The following SOX30 variants were observed in gnomAD, a reference collection of about 807,000 sequenced individuals.
SOX30 encodes SRY-box transcription factor 30, also known as transcription factor SOX-30.
A neutral mutation model predicts 58.6 loss-of-function variants in SOX30; 17 were observed. The ratio of observed to expected loss-of-function variants is 0.29; its 90% CI spans 0.20 to 0.44. The LOEUF (loss-of-function observed/expected upper bound fraction) is 0.44. SOX30 is among the 20% of genes least tolerant of loss of function. SOX30 has a pLI of 1.00. For missense variants in SOX30, 951 were observed against 965.8 expected (o/e 0.98, Z 0.20); for synonymous variants, 421 against 400.2 (o/e 1.05, Z -0.62).
At chr5:157,659,669 G>T (rs1759541897) in intron 2 of SOX30, among the ~76,000 whole-genome samples, 7 of 152,172 alleles carry the variant, frequency 4.6e-5, no homozygotes, top group Admixed American at 4.6e-4. Flanking sequence ...GCCTCAAGAA[G>T]TCCTGACAAC....
At chr5:157,670,679 T>TC (rs1200765909) in intron 1 of SOX30, among the ~76,000 whole-genome samples, 1 of 152,204 alleles carries the variant, frequency 6.6e-6, no homozygotes, top group Non-Finnish European at 1.5e-5. Context: ...CAGTTCAGTT[T>TC]CACCACTTTA....
intron 2 of SOX30, among the ~76,000 whole-genome samples, chr5:157,661,693 CT>C (rs1235910504): frequency 6.6e-6 from 1 of 152,188 alleles, no homozygotes; most frequent in Non-Finnish European, 1.5e-5. Context: ...AGATGTTAAG[CT>C]AAAGAACATT....
In SOX30 at chr5:157,651,998, G is replaced by A; in HGVS notation, c.81C>T (p.Thr27=). 2.8e-6 allele frequency: 4 copies of A among 1,435,390 alleles called. No individual in the cohort carries two copies. Among genetic ancestry groups the A allele is most frequent in the South Asian group, 1.5e-5 (1 of 67,334 alleles). The allele number at this position is 1,435,390 out of a possible 1,614,324, so 88.9% of individuals were successfully genotyped here. Residue 27 remains threonine (T), a synonymous_variant, in exon 1 of 5, where the codon ACC becomes ACT. Transcript: ENST00000265007. The part of the protein sequence containing the change: ...PAPPPLPVEG[T]SFWAAAMEPP... ...GCTCCATGGCTGCTGCCCAAAAGGA[G>A]GTGCCCTCGACCGGCAGCGGGGGCG...
intron 2 of SOX30, among the ~76,000 whole-genome samples, chr5:157,660,915 T>C (rs1371369263): frequency 3.3e-5 from 5 of 152,236 alleles, no homozygotes; most frequent in Non-Finnish European, 7.3e-5. Context: ...ACCTTGATGA[T>C]ACTGTATTTT....
chr5:157,642,187 T>C (rs1328022531), intron 3 of SOX30, among the ~76,000 whole-genome samples: 1 of 151,616 alleles, frequency 6.6e-6, no homozygotes, highest in Admixed American at 6.6e-5. Context: ...GTGGTGGCGC[T>C]TGCCTGTAGT....
At chr5:157,639,719 G>GAGAGTC (rs1759017206) in intron 3 of SOX30, among the ~76,000 whole-genome samples, 2 of 152,214 alleles carry the variant, frequency 1.3e-5, no homozygotes, top group African/African-American at 4.8e-5. Context: ...GCCACAGCAA[G>GAGAGTC]AGAGTCATGA....
chr5:157,638,171 C>A, intron 4 of SOX30, 59 bp downstream of exon 4: 1 of 1,450,340 alleles, frequency 6.9e-7, no homozygotes, highest in Non-Finnish European at 9.3e-7. Flanking sequence ...AAAATGTTGT[C>A]ACAGGTAAAA....
At chr5:157,640,022 T>C (rs62387667) in intron 3 of SOX30, among the ~76,000 whole-genome samples, 14,008 of 152,300 alleles carry the variant, frequency 0.092, 822 homozygotes, top group South Asian at 0.13. Context: ...CTGATGAGGT[T>C]ATCTGGACTA....
At position 157,638,447 on chromosome 5, in the gene SOX30, C is replaced by T; in HGVS notation, c.1663G>A (p.Ala555Thr). 2 of 1,614,134 alleles carry T rather than the reference C, an allele frequency of 1.2e-6. No individual in the cohort carries two copies. The highest frequency in any genetic ancestry group is 1.1e-5 in the South Asian group (1 of 91,080). Residue 555 changes from alanine to threonine, a missense_variant, in exon 4 of 5, where the codon GCC (alanine) becomes ACC (threonine). Physicochemically the swap from Ala to Thr is moderately conservative, Grantham distance 58. Around this residue, in one of 7 missense-constraint regions of SOX30, gnomAD observed 381 missense variants for 390.0 expected, o/e 0.98. Coordinates refer to ENST00000265007, the MANE Select transcript of SOX30 (RefSeq NM_178424.2). ...TGGATGGTCGAAGTTGCAAATCTGG[C>T]ATGGGCAGTACTTGCACTACTTGAA... ...RISSSASTAH[A>T]RFATSTIQPP...
At chr5:157,634,822 A>G (rs1427748185) in intron 4 of SOX30, among the ~76,000 whole-genome samples, 1 of 151,766 alleles carries the variant, frequency 6.6e-6, no homozygotes, top group Non-Finnish European at 1.5e-5. Context: ...TAATTTTTGT[A>G]TTTTTAGTAG....
chr5:157,629,888 G>A (rs535142548), intron 4 of SOX30, among the ~76,000 whole-genome samples: 6 of 152,146 alleles, frequency 3.9e-5, no homozygotes, highest in African/African-American at 1.2e-4. Flanking sequence ...CTACCATGCC[G>A]CCCTACCCAG....
In SOX30 at chr5:157,641,056, G is replaced by C. The variant is rs955448759; in HGVS notation, c.1388-2334C>G. 2.6e-5 allele frequency among the ~76,000 whole-genome samples: 4 copies of C among 152,134 alleles called. No homozygotes were observed. The East Asian group carries it at 5.8e-4, about 22-fold the overall frequency. On this transcript the variant is annotated intron_variant, in intron 3 of 4. Transcript: ENST00000265007. ...CTCTTGTTAATTTCTATTACACTGAGAGCCAAGAACTTTACGCCAGTAACA... is the reference window on the plus strand; with the variant it reads ...CTCTTGTTAATTTCTATTACACTGACAGCCAAGAACTTTACGCCAGTAACA...
At position 157,648,905 on chromosome 5, in the gene SOX30, C is replaced by T; in HGVS notation, c.968-9G>A. 6.3e-7 allele frequency: 1 copy of T among 1,576,400 alleles called. No homozygotes were observed. The highest frequency in any genetic ancestry group is 8.6e-7 in the Non-Finnish European group (1 of 1,162,182). On this transcript the variant is annotated splice_polypyrimidine_tract_variant and intron_variant, in intron 1 of 4. Coordinates refer to ENST00000265007, the MANE Select transcript of SOX30 (RefSeq NM_178424.2). ...GGGAGTATCTGGTATGCCTACATGA[C>T]AAAAATTAAAAGGCTAAATTAATGT...
At chr5:157,668,221 A>G (rs1342116331) in intron 1 of SOX30, among the ~76,000 whole-genome samples, 2 of 152,220 alleles carry the variant, frequency 1.3e-5, no homozygotes, top group Non-Finnish European at 2.9e-5. Context: ...GCTGTTGAGG[A>G]CAGTGGTTGA....
At chr5:157,632,190 C>T (rs72811391) in intron 4 of SOX30, among the ~76,000 whole-genome samples, 7,315 of 151,472 alleles carry the variant, frequency 0.048, 281 homozygotes, top group East Asian at 0.1. Flanking sequence ...GTTGGTGGGA[C>T]TATTCACAGC....
At chr5:157,647,816 C>T (rs970993684) in intron 2 of SOX30, among the ~76,000 whole-genome samples, 3 of 151,960 alleles carry the variant, frequency 2.0e-5, no homozygotes, top group Non-Finnish European at 2.9e-5. Context: ...ACCTTGGCCT[C>T]CCAAAGTGCT....
chr5:157,654,195 CA>C (rs1284471357), upstream of SOX30, among the ~76,000 whole-genome samples: 1 of 151,486 alleles, frequency 6.6e-6, no homozygotes. Context: ...TTGAAGATCC[CA>C]AAAAAGCTTT....
intron 2 of SOX30, among the ~76,000 whole-genome samples, chr5:157,647,404 G>C (rs1278722405): frequency 6.6e-6 from 1 of 151,982 alleles, no homozygotes; most frequent in Admixed American, 6.6e-5. Flanking sequence ...TGAACCTGTA[G>C]TAGAGTCAAC....
intron 1 of SOX30, chr5:157,671,300 G>A: frequency 2.8e-6 from 1 of 357,954 alleles, no homozygotes; most frequent in Non-Finnish European, 5.1e-6. Context: ...CAGTCCCCAC[G>A]TCGAAGCGGA....
Sources: allele counts gnomAD v4.1 joint callset (sites outside exome capture counted in the v4.1 genomes callset), GRCh38; gene constraint gnomAD v4.1.1; regional missense constraint gnomAD v4.1.1; transcripts MANE v1.5; gene names NCBI Gene and HGNC (gene_info 2026-07-23, HGNC 2026-07-21).